MPPED1: variants seen among roughly 807,000 people sequenced by gnomAD.
MPPED1 encodes the protein metallophosphoesterase domain-containing protein 1.
In MPPED1, 16 loss-of-function variants were observed where a neutral mutation model predicts 36.2. The ratio of observed to expected loss-of-function variants is 0.44; its 90% CI spans 0.30 to 0.67. The LOEUF (loss-of-function observed/expected upper bound fraction) is 0.67, where lower values mean the gene tolerates loss of function less well. Among genes scored for constraint, MPPED1 ranks in the 30% least tolerant of loss-of-function variants. The probability of loss-of-function intolerance (pLI) is 0.10; values close to 1 mark genes in which losing one functional copy is unlikely to be tolerated. For synonymous variants in MPPED1, 199 were observed against 191.3 expected (o/e 1.04, Z -0.33); for missense variants, 307 against 453.4 (o/e 0.68, Z 2.93).
chr22:43,498,181 G>T, intron 4 of MPPED1, 54 bp from the exon 5 acceptor site: 1 of 1,421,994 alleles, frequency 7.0e-7, no homozygotes, highest in South Asian at 1.3e-5. Flanking sequence ...CATTCCCTCT[G>T]ACCACCCTGT....
chr22:43,500,642 G>A (rs988934283), intron 5 of MPPED1, among the ~76,000 whole-genome samples: 1 of 151,894 alleles, frequency 6.6e-6, no homozygotes, highest in Non-Finnish European at 1.5e-5. Context: ...TGCTCCCACC[G>A]CCACCTCCAG....
intron 3 of MPPED1, among the ~76,000 whole-genome samples, chr22:43,457,223 C>T (rs1930785459): frequency 6.6e-6 from 1 of 152,174 alleles, no homozygotes; most frequent in African/African-American, 2.4e-5. Flanking sequence ...CCAGTGAAGC[C>T]ATCTGTTGCT....
At chr22:43,463,650 A>G (rs1931034723) in intron 3 of MPPED1, among the ~76,000 whole-genome samples, 1 of 152,156 alleles carries the variant, frequency 6.6e-6, no homozygotes, top group Non-Finnish European at 1.5e-5. Flanking sequence ...CCCTGCTAAA[A>G]TTTCATGGGT....
At chr22:43,445,473 C>A (rs1450197852) in intron 3 of MPPED1, among the ~76,000 whole-genome samples, 1 of 151,894 alleles carries the variant, frequency 6.6e-6, no homozygotes, top group African/African-American at 2.4e-5. Context: ...TCAACATCTC[C>A]ATTCCTCCCT....
At chr22:43,484,635 G>A (rs1043508537) in intron 4 of MPPED1, among the ~76,000 whole-genome samples, 4 of 152,198 alleles carry the variant, frequency 2.6e-5, no homozygotes, top group African/African-American at 4.8e-5. Context: ...AAAGCCATGC[G>A]GCTGGGGTAT....
At chr22:43,437,191 C>T (rs555055147) in intron 3 of MPPED1, among the ~76,000 whole-genome samples, 13 of 152,226 alleles carry the variant, frequency 8.5e-5, no homozygotes, top group East Asian at 3.9e-4. Context: ...CTTGGTTGGC[C>T]GGTGGGCCAG....
At chr22:43,470,753 C>T (rs189023225) in intron 3 of MPPED1, among the ~76,000 whole-genome samples, 10 of 152,330 alleles carry the variant, frequency 6.6e-5, no homozygotes, top group East Asian at 1.9e-4. Flanking sequence ...GCCTCAGTTT[C>T]GCCAGGTTTA....
At chr22:43,453,547 G>C (rs1237759340) in intron 3 of MPPED1, among the ~76,000 whole-genome samples, 1 of 152,078 alleles carries the variant, frequency 6.6e-6, no homozygotes, top group East Asian at 1.9e-4. Flanking sequence ...ATGGGGGTGT[G>C]GGGGATGAGG....
chr22:43,476,280 T>C (rs1274304706), intron 4 of MPPED1, among the ~76,000 whole-genome samples: 1 of 152,084 alleles, frequency 6.6e-6, no homozygotes, highest in African/African-American at 2.4e-5. Flanking sequence ...GTGGGCTTCA[T>C]ACATGGAAGG....
At chr22:43,490,490 T>C (rs150867382) in intron 4 of MPPED1, among the ~76,000 whole-genome samples, 51,066 of 151,816 alleles carry the variant, frequency 0.34, 14,760 homozygotes, top group African/African-American at 0.79. Flanking sequence ...CTCCTTGGTG[T>C]TGGGTGAGGG....
At position 43,465,110 on chromosome 22, in the gene MPPED1, T is replaced by A. The variant is rs532167203; in HGVS notation, c.407-9626T>A. On this transcript the variant is annotated intron_variant, in intron 3 of 6. Coordinates refer to ENST00000443721, the MANE Select transcript of MPPED1 (RefSeq NM_001044370.2). The stretch of plus-strand genomic sequence containing the variant: ...GTCTTCATGGAACAGATGGGGAAAC[T>A]GAGGCACGAGGAGGGGAAAGGCCTC... 3.3e-5 allele frequency among the ~76,000 whole-genome samples: 5 copies of A among 152,298 alleles called. No homozygotes were observed. The East Asian group carries it at 9.7e-4, about 29-fold the overall frequency.
chr22:43,503,619 A>T (rs1932768085), intron 6 of MPPED1, among the ~76,000 whole-genome samples: 1 of 152,208 alleles, frequency 6.6e-6, no homozygotes, highest in Admixed American at 6.5e-5. Context: ...GTCAAGGGGA[A>T]GGAGTGATCA....
intron 1 of MPPED1, chr22:43,418,405 G>A (rs1001211751): frequency 1.2e-5 from 4 of 324,072 alleles, no homozygotes; most frequent in East Asian, 8.3e-5. Context: ...ACACATCTTC[G>A]GACAGAGAGG....
chr22:43,425,041 T>TC lies in MPPED1; in HGVS notation c.60dup (p.Cys21LeufsTer77), dbSNP rs1929414770. The TC allele has an allele frequency of 6.2e-7, 1 of 1,612,126 alleles. No individual in the cohort carries two copies. Among genetic ancestry groups the TC allele is most frequent in the Admixed American group, 1.7e-5 (1 of 59,872 alleles). On this transcript the variant is annotated frameshift_variant, in exon 2 of 7. Transcript: ENST00000443721. LOFTEE classifies it high-confidence loss of function. ...CTGAAGGCGGAGGCCCTGGCCCTCC[T>TC]CCCCTGCGGCCTGGGCATGGCATTC...
At chr22:43,442,797 T>C (rs1189453894) in intron 3 of MPPED1, among the ~76,000 whole-genome samples, 1 of 152,178 alleles carries the variant, frequency 6.6e-6, no homozygotes, top group Non-Finnish European at 1.5e-5. Flanking sequence ...GTGTGCACCC[T>C]GTGTGAACTC....
In MPPED1 at chr22:43,505,724, G is replaced by C; in HGVS notation, c.*108G>C. ...CCTGGACGACCCATCTGGCTGCGGGGACTGGCCTAGCAGGCAGGTCAGGGC... is the reference window on the plus strand; with the variant it reads ...CCTGGACGACCCATCTGGCTGCGGGCACTGGCCTAGCAGGCAGGTCAGGGC... On this transcript the variant is annotated 3_prime_UTR_variant, in exon 7 of 7. Coordinates refer to ENST00000443721, the MANE Select transcript of MPPED1 (RefSeq NM_001044370.2). 2.0e-6 allele frequency: 2 copies of C among 984,242 alleles called. No individual in the cohort carries two copies. The highest frequency in any genetic ancestry group is 2.2e-5 in the Admixed American group (1 of 45,874). 61.0% of individuals were successfully genotyped at this position (984,242 alleles called of 1,614,324 possible).
chr22:43,450,723 C>CT (rs11423062), intron 3 of MPPED1, among the ~76,000 whole-genome samples: 59,309 of 151,266 alleles, frequency 0.39, 12,282 homozygotes, highest in East Asian at 0.61. Flanking sequence ...TGATGGTAGA[C>CT]TTTTTTTTTC....
At chr22:43,487,859 T>C (rs1460251579) in intron 4 of MPPED1, among the ~76,000 whole-genome samples, 1 of 152,026 alleles carries the variant, frequency 6.6e-6, no homozygotes, top group East Asian at 1.9e-4. Context: ...TGAACTGAGC[T>C]ACTAGACGTG....
intron 1 of MPPED1, among the ~76,000 whole-genome samples, chr22:43,417,219 G>T (rs1601941914): frequency 2.0e-5 from 3 of 152,214 alleles, no homozygotes; most frequent in Admixed American, 2.0e-4. Context: ...AAGGAATAGG[G>T]GCTAATTTTC....
Sources: gnomAD v4.1 joint callset for allele counts (sites outside exome capture counted in the v4.1 genomes callset) on GRCh38, gnomAD v4.1.1 for gene constraint, MANE v1.5 for transcripts, NCBI Gene and HGNC (gene_info 2026-07-23, HGNC 2026-07-21) for gene names.